Variants in PTPRD observed in about 807,000 individuals in gnomAD.
The protein encoded by PTPRD is receptor-type tyrosine-protein phosphatase delta.
A neutral mutation model predicts 214.5 loss-of-function variants in PTPRD; 34 were observed. The observed-to-expected ratio is 0.16, with a 90% confidence interval of 0.12 to 0.21. PTPRD has a LOEUF of 0.21. PTPRD is among the 10% of genes least tolerant of loss of function. The pLI is 1.00. For missense variants in PTPRD, 2,545 were observed against 2,398.7 expected (o/e 1.06, Z -1.27); for synonymous variants, 1,128 against 845.7 (o/e 1.33, Z -5.79).
chr9:9,073,593 T>C (rs2154411711), intron 10 of PTPRD, among the ~76,000 whole-genome samples: 1 of 152,316 alleles, frequency 6.6e-6, no homozygotes, highest in Middle Eastern at 3.4e-3. Context: ...GAAGAAATTT[T>C]ACCTGCAGAC....
chr9:10,309,643 G>T (rs931432228), intron 3 of PTPRD, among the ~76,000 whole-genome samples: 5 of 151,698 alleles, frequency 3.3e-5, no homozygotes, highest in Non-Finnish European at 7.4e-5. Flanking sequence ...GGGATTAAAG[G>T]CATGAACCAC....
At chr9:10,030,801 C>T (rs547788979) in intron 4 of PTPRD, among the ~76,000 whole-genome samples, 1 of 152,308 alleles carries the variant, frequency 6.6e-6, no homozygotes, top group South Asian at 2.1e-4. Flanking sequence ...ATTTGTCATA[C>T]TCCCATCCCG....
intron 8 of PTPRD, among the ~76,000 whole-genome samples, chr9:9,425,151 G>T (rs933951878): frequency 9.9e-5 from 15 of 151,966 alleles, no homozygotes; most frequent in African/African-American, 3.6e-4. Flanking sequence ...GCCATATGGA[G>T]GAAAATCAAT....
intron 11 of PTPRD, among the ~76,000 whole-genome samples, chr9:8,875,358 C>T (rs1037734468): frequency 1.4e-5 from 2 of 140,936 alleles, no homozygotes; most frequent in African/African-American, 4.9e-5. Flanking sequence ...CTGATCTCTA[C>T]AAAAATAATT....
At chr9:8,465,726 C>G in intron 31 of PTPRD, 51 bp from the exon 32 acceptor site, 1 of 1,474,454 alleles carries the variant, frequency 6.8e-7, no homozygotes. Flanking sequence ...AATAACCCAG[C>G]TTATTGATAA....
chr9:10,096,200 T>C (rs767368710), intron 3 of PTPRD, among the ~76,000 whole-genome samples: 2 of 151,704 alleles, frequency 1.3e-5, no homozygotes, highest in African/African-American at 2.4e-5. Context: ...GGCACTGGTC[T>C]GACATATAGA....
chr9:10,006,072 T>A (rs1488191728), intron 4 of PTPRD, among the ~76,000 whole-genome samples: 1 of 152,004 alleles, frequency 6.6e-6, no homozygotes, highest in Non-Finnish European at 1.5e-5. Context: ...AAAAATGAGA[T>A]GAGAATCAAT....
chr9:8,804,775 G>A (rs1362628820), intron 11 of PTPRD, among the ~76,000 whole-genome samples: 1 of 152,136 alleles, frequency 6.6e-6, no homozygotes, highest in Non-Finnish European at 1.5e-5. Flanking sequence ...GAAGAAATAA[G>A]AGTAACTGCG....
At chr9:9,411,002 A>G (rs576348433) in intron 8 of PTPRD, among the ~76,000 whole-genome samples, 32 of 152,090 alleles carry the variant, frequency 2.1e-4, no homozygotes, top group African/African-American at 7.5e-4. Flanking sequence ...CCAAATATAC[A>G]TGTTTGCTTT....
chr9:9,465,104 T>G (rs2094023777), intron 8 of PTPRD, among the ~76,000 whole-genome samples: 1 of 152,248 alleles, frequency 6.6e-6, no homozygotes, highest in South Asian at 2.1e-4. Context: ...CTGGTTCTTG[T>G]ATTCCCTTTT....
intron 8 of PTPRD, among the ~76,000 whole-genome samples, chr9:9,491,283 C>A (rs1427963639): frequency 2.0e-5 from 3 of 151,608 alleles, no homozygotes; most frequent in African/African-American, 7.3e-5. Flanking sequence ...TAATAACAGA[C>A]CATAGAGACA....
chr9:9,988,575 A>G (rs2095801304), intron 4 of PTPRD, among the ~76,000 whole-genome samples: 1 of 152,170 alleles, frequency 6.6e-6, no homozygotes, highest in African/African-American at 2.4e-5. Flanking sequence ...TGTCAACCAT[A>G]AATGTATCAT....
intron 8 of PTPRD, among the ~76,000 whole-genome samples, chr9:9,433,309 C>T (rs937565746): frequency 3.3e-5 from 5 of 151,840 alleles, no homozygotes; most frequent in Admixed American, 2.6e-4. Context: ...AGGAAGTCAT[C>T]CTTTTCAGAC....
intron 7 of PTPRD, among the ~76,000 whole-genome samples, chr9:9,663,840 G>A (rs1278492620): frequency 6.6e-6 from 1 of 151,364 alleles, no homozygotes; most frequent in Non-Finnish European, 1.5e-5. Context: ...TTTACACTTT[G>A]GAATGTCAAA....
intron 3 of PTPRD, among the ~76,000 whole-genome samples, chr9:10,226,191 T>G (rs1227435625): frequency 6.6e-6 from 1 of 152,042 alleles, no homozygotes; most frequent in African/African-American, 2.4e-5. Flanking sequence ...ATGCACTTAG[T>G]ACCTGGATAA....
intron 39 of PTPRD, among the ~76,000 whole-genome samples, chr9:8,356,060 G>A (rs1284167430): frequency 6.6e-6 from 1 of 152,064 alleles, no homozygotes; most frequent in African/African-American, 2.4e-5. Context: ...AAGTTCAATG[G>A]AAAGGAGAGA....
intron 7 of PTPRD, among the ~76,000 whole-genome samples, chr9:9,654,951 T>G (rs1253944018): frequency 1.3e-5 from 2 of 152,024 alleles, no homozygotes; most frequent in African/African-American, 4.8e-5. Context: ...TATGCTATAC[T>G]GAAGAATAAC....
intron 2 of PTPRD, among the ~76,000 whole-genome samples, chr9:10,351,596 G>C (rs1468358255): frequency 1.3e-5 from 2 of 151,366 alleles, no homozygotes; most frequent in Non-Finnish European, 2.9e-5. Flanking sequence ...AGGATCAAAA[G>C]CTATAATTTA....
intron 11 of PTPRD, among the ~76,000 whole-genome samples, chr9:8,874,516 C>T (rs1400089717): frequency 2.0e-5 from 3 of 152,174 alleles, no homozygotes; most frequent in African/African-American, 7.2e-5. Context: ...TCACTCTGCA[C>T]CTCCCCTGAG....
Sources: allele counts gnomAD v4.1 joint callset (sites outside exome capture counted in the v4.1 genomes callset), GRCh38; gene constraint gnomAD v4.1.1; transcripts MANE v1.5; gene names NCBI Gene and HGNC (gene_info 2026-07-23, HGNC 2026-07-21).